Variants in RIPOR3 observed in about 807,000 individuals in gnomAD.
RIPOR3 encodes the protein family with sequence similarity 65 member C.
Under a neutral mutation model 114.3 loss-of-function variants are expected in RIPOR3, and 95 were observed. The ratio of observed to expected loss-of-function variants is 0.83; its 90% CI spans 0.70 to 0.99. RIPOR3 has a LOEUF of 0.99. Ranked by LOEUF, RIPOR3 falls within the 50% of genes least tolerant of loss-of-function variation. The pLI, the probability that RIPOR3 is intolerant of heterozygous loss-of-function variation, is 0.00. For missense variants in RIPOR3, 1,252 were observed against 1,266.9 expected (o/e 0.99, Z 0.18); for synonymous variants, 575 against 543.8 (o/e 1.06, Z -0.80).
intron 19 of RIPOR3, among the ~76,000 whole-genome samples, chr20:50,591,332 A>G (rs1380027058): frequency 6.6e-6 from 1 of 152,222 alleles, no homozygotes; most frequent in Non-Finnish European, 1.5e-5. Flanking sequence ...TTTGACACAT[A>G]TAGTTAACTA....
intron 1 of RIPOR3, among the ~76,000 whole-genome samples, chr20:50,654,316 G>A (rs1178629007): frequency 6.6e-6 from 1 of 150,874 alleles, no homozygotes; most frequent in African/African-American, 2.4e-5. Context: ...ACAGGTGCCT[G>A]CCATCATGCC....
intron 1 of RIPOR3, among the ~76,000 whole-genome samples, chr20:50,641,874 C>A (rs1199433381): frequency 1.3e-5 from 2 of 152,206 alleles, no homozygotes; most frequent in East Asian, 1.9e-4. Context: ...TCTTACTTAA[C>A]CCTCCCAATG....
chr20:50,621,454 T>C (rs2084400954), intron 2 of RIPOR3, among the ~76,000 whole-genome samples: 1 of 151,692 alleles, frequency 6.6e-6, no homozygotes, highest in African/African-American at 2.4e-5. Flanking sequence ...CATGCACACA[T>C]GCACACGGGA....
chr20:50,594,894 T>G, intron 16 of RIPOR3, 180 bp from the exon 17 acceptor site: 1 of 621,042 alleles, frequency 1.6e-6, no homozygotes, highest in Non-Finnish European at 2.7e-6. Context: ...CTAAGCATCT[T>G]ACCAGGGCCA....
At chr20:50,589,840 CCACCAGGTGCCGACAGTAAGG>C in intron 19 of RIPOR3, 71 bp from the exon 20 acceptor site, 1 of 1,398,520 alleles carries the variant, frequency 7.2e-7, no homozygotes. Context: ...GGTCCATCAG[CCACCAGGTGCCGACAGTAAGG>C]CACGCTGTGC....
intron 1 of RIPOR3, among the ~76,000 whole-genome samples, chr20:50,661,109 A>G (rs1316518176): frequency 6.7e-6 from 1 of 150,282 alleles, no homozygotes; most frequent in African/African-American, 2.4e-5. Flanking sequence ...GTGGTGGCAC[A>G]TGCCTGTAAT....
chr20:50,640,957 T>C (rs957826597), intron 1 of RIPOR3, among the ~76,000 whole-genome samples: 1 of 151,252 alleles, frequency 6.6e-6, no homozygotes, highest in Non-Finnish European at 1.5e-5. Flanking sequence ...TTGCCCAGGC[T>C]GGAGTGCAAT....
rs368111319 is a variant in RIPOR3, at chr20:50,592,434, C to T, written c.2487G>A (p.Ala829=). ...TCGGAGTGCCGTCCAGCTGGAGCAG[C>T]GCCCAGGCTCTTAAGGTCTGGGGCA... ...QPLPQTLRAW[A]LLQLDGTPRV... is the part of the protein sequence containing the mutation. The change falls in exon 19 of 22, where the codon GCG becomes GCA. Residue 829 remains alanine, a synonymous_variant. Transcript: ENST00000327979. 1.1e-3 allele frequency: 1,707 copies of T among 1,612,524 alleles called. 23 individuals carry two copies. The South Asian group carries it at 0.017, about 17-fold the overall frequency.
chr20:50,637,393 C>A (rs1236578462), intron 1 of RIPOR3, among the ~76,000 whole-genome samples: 1 of 152,108 alleles, frequency 6.6e-6, no homozygotes, highest in African/African-American at 2.4e-5. Context: ...GGCCTCACAA[C>A]CAAGGCCACC....
chr20:50,671,424 G>GCA (rs1373400373), intron 1 of RIPOR3, among the ~76,000 whole-genome samples: 2 of 91,118 alleles, frequency 2.2e-5, no homozygotes, highest in Non-Finnish European at 3.0e-5. Context: ...GTGCACGCGC[G>GCA]CGCGCACACA....
At position 50,612,612 on chromosome 20, in the gene RIPOR3, C is replaced by T. The variant is rs116422317; in HGVS notation, c.349-1408G>A. The stretch of plus-strand genomic sequence containing the variant: ...AACTCACAATTGCTAAACACATTTA[C>T]ATGATTATGTGACCAGAGAGAAAAA... On this transcript the variant is annotated intron_variant, in intron 4 of 21. Coordinates refer to ENST00000327979, the MANE Select transcript of RIPOR3 (RefSeq NM_001290268.2). 1.5e-3 allele frequency among the ~76,000 whole-genome samples: 223 copies of T among 152,148 alleles called. 1 individual carries two copies. The highest frequency in any genetic ancestry group is 5.1e-3 in the African/African-American group (211 of 41,504).
At chr20:50,628,369 C>T (rs996989694) in intron 2 of RIPOR3, among the ~76,000 whole-genome samples, 5 of 152,224 alleles carry the variant, frequency 3.3e-5, no homozygotes, top group South Asian at 2.1e-4. Context: ...CATGAGGCTC[C>T]GCAGGGTCCT....
intron 1 of RIPOR3, among the ~76,000 whole-genome samples, chr20:50,657,838 TG>T (rs1313360587): frequency 1.3e-5 from 2 of 151,342 alleles, no homozygotes; most frequent in Admixed American, 6.6e-5. Flanking sequence ...ACTACAGCCT[TG>T]AACTCCTGGG....
chr20:50,686,439 C>T (rs1041877936), intron 1 of RIPOR3, among the ~76,000 whole-genome samples: 2 of 152,012 alleles, frequency 1.3e-5, no homozygotes, highest in Non-Finnish European at 2.9e-5. Context: ...CTTCCTACCT[C>T]GCAAAACAAT....
intron 11 of RIPOR3, among the ~76,000 whole-genome samples, chr20:50,606,471 C>T (rs1487894186): frequency 6.6e-6 from 1 of 152,232 alleles, no homozygotes; most frequent in African/African-American, 2.4e-5. Context: ...ACGCTCCCTA[C>T]AGCCCTCCTG....
At position 50,677,530 on chromosome 20, in the gene RIPOR3, C is replaced by G. The variant is rs543743833; in HGVS notation, c.3+13596G>C. On this transcript the variant is annotated intron_variant, in intron 1 of 21. Coordinates refer to ENST00000327979, the MANE Select transcript of RIPOR3 (RefSeq NM_001290268.2). ...GGGATGACAGACACACACCACCACA[C>G]CTGGCTAATTTTTGTATTTTTAGTA... 3.4e-4 allele frequency among the ~76,000 whole-genome samples: 51 copies of G among 151,896 alleles called. No homozygotes were observed. The South Asian group carries it at 7.5e-3, about 22-fold the overall frequency.
intron 16 of RIPOR3, chr20:50,594,936 G>A: frequency 3.7e-6 from 2 of 544,802 alleles, no homozygotes; most frequent in Non-Finnish European, 3.3e-6. Flanking sequence ...ACCTGGGAGG[G>A]GCTGCTGTCA....
chr20:50,677,195 T>C (rs980849741), intron 1 of RIPOR3, among the ~76,000 whole-genome samples: 3 of 152,040 alleles, frequency 2.0e-5, no homozygotes, highest in African/African-American at 7.2e-5. Flanking sequence ...CCTTCATAGG[T>C]GGCTGCAAGT....
rs561970982 is a variant in RIPOR3, at chr20:50,604,636, C to T, written c.1086+9G>A. 1 of 1,603,308 alleles carries T rather than the reference C, an allele frequency of 6.2e-7. No homozygotes were observed. The highest frequency in any genetic ancestry group is 8.5e-7 in the Non-Finnish European group (1 of 1,175,486). On this transcript the variant is annotated intron_variant, in intron 12 of 21. Transcript: ENST00000327979. ...CCACAGCGGCCCTGCCCCGGGAAGG[C>T]TCACTCACCAGGTAGTATCTCTCCC...
Sources: gnomAD v4.1 joint callset for allele counts (sites outside exome capture counted in the v4.1 genomes callset) on GRCh38, gnomAD v4.1.1 for gene constraint, MANE v1.5 for transcripts, NCBI Gene and HGNC (gene_info 2026-07-23, HGNC 2026-07-21) for gene names.